Variants in IQGAP2 observed in about 807,000 individuals in gnomAD.
IQGAP2 encodes IQ motif containing GTPase activating protein 2.
IQGAP2 carries 173 observed loss-of-function variants against 201.3 expected under a neutral mutation model. That is an observed-to-expected ratio of 0.86 (90% CI 0.76 to 0.98). The LOEUF (loss-of-function observed/expected upper bound fraction) is 0.98, where lower values mean the gene tolerates loss of function less well. Ranked by LOEUF, IQGAP2 falls within the 50% of genes least tolerant of loss-of-function variation. The pLI is 0.00. For synonymous variants in IQGAP2, 675 were observed against 673.9 expected (o/e 1.00, Z -0.03); for missense variants, 1,687 against 1,864.8 (o/e 0.90, Z 1.76).
At chr5:76,532,766 T>G (rs1759387947) in intron 2 of IQGAP2, among the ~76,000 whole-genome samples, 1 of 152,164 alleles carries the variant, frequency 6.6e-6, no homozygotes, top group Non-Finnish European at 1.5e-5. Context: ...TCCGTGCCCT[T>G]GGAAACATCA....
intron 2 of IQGAP2, among the ~76,000 whole-genome samples, chr5:76,528,374 A>C (rs908444813): frequency 7.2e-5 from 11 of 151,928 alleles, no homozygotes; most frequent in African/African-American, 2.7e-4. Flanking sequence ...TATATATTAT[A>C]ATTCTTAGCA....
At chr5:76,630,278 A>G (rs939642558) in intron 14 of IQGAP2, among the ~76,000 whole-genome samples, 2 of 152,202 alleles carry the variant, frequency 1.3e-5, no homozygotes, top group African/African-American at 2.4e-5. Flanking sequence ...ACACCTCCAC[A>G]GTCCTTGAAA....
intron 13 of IQGAP2, among the ~76,000 whole-genome samples, chr5:76,614,237 T>G (rs1432277604): frequency 4.6e-5 from 7 of 152,170 alleles, no homozygotes; most frequent in Admixed American, 1.3e-4. Context: ...AAGAAGCCCC[T>G]GAGTGCCCAC....
chr5:76,474,196 G>C (rs1169369404), intron 2 of IQGAP2, among the ~76,000 whole-genome samples: 1 of 152,130 alleles, frequency 6.6e-6, no homozygotes, highest in African/African-American at 2.4e-5. Flanking sequence ...TTAGGATAAA[G>C]GTCTTCTGAC....
chr5:76,651,826 T>A (rs458573), intron 17 of IQGAP2, among the ~76,000 whole-genome samples: 76,133 of 151,936 alleles, frequency 0.5, 19,519 homozygotes, highest in Non-Finnish European at 0.56. Context: ...GATTCCATCC[T>A]GACTAAATTG....
intron 13 of IQGAP2, among the ~76,000 whole-genome samples, chr5:76,619,673 G>C (rs1373357815): frequency 1.3e-5 from 2 of 151,910 alleles, no homozygotes; most frequent in Non-Finnish European, 2.9e-5. Context: ...CCCGCCACCA[G>C]GCCTGGCTAA....
chr5:76,408,783 CTTAT>C (rs139211546), intron 1 of IQGAP2, among the ~76,000 whole-genome samples: 15 of 151,516 alleles, frequency 9.9e-5, no homozygotes, highest in South Asian at 4.2e-4. Context: ...CCCAATCTCT[CTTAT>C]TTATTTATTT....
chr5:76,430,565 TG>T (rs1752310404), intron 1 of IQGAP2, among the ~76,000 whole-genome samples: 1 of 152,178 alleles, frequency 6.6e-6, no homozygotes, highest in African/African-American at 2.4e-5. Context: ...AACTTAGCTT[TG>T]GAAGTCAGAT....
rs1750616197 is a variant in IQGAP2, at chr5:76,403,421, G to T, written c.-125G>T. 1 of 649,168 alleles carries T rather than the reference G, an allele frequency of 1.5e-6. No individual in the cohort carries two copies. Among genetic ancestry groups the T allele is most frequent in the Non-Finnish European group, 2.3e-6 (1 of 444,150 alleles). The allele number at this position is 649,168 out of a possible 1,614,324, so 40.2% of individuals were successfully genotyped here. A position where few individuals can be genotyped will look rare whatever the true frequency, so the allele number is the denominator to read the frequency against. On this transcript the variant is annotated 5_prime_UTR_variant, in exon 1 of 36. Coordinates refer to ENST00000274364, the MANE Select transcript of IQGAP2 (RefSeq NM_006633.5). This position sits in a 1 kb window ranked among gnomAD's most constrained non-coding sequence, Gnocchi z 4.8. Reference sequence around the variant, plus strand: ...GAGGGAGTGGGTCGCAGATCTTCGGGCGGCTAGGGGAAATCGGCGAGAGGC... The same window carrying T: ...GAGGGAGTGGGTCGCAGATCTTCGGTCGGCTAGGGGAAATCGGCGAGAGGC...
At chr5:76,525,320 A>G (rs1165765878) in intron 2 of IQGAP2, among the ~76,000 whole-genome samples, 2 of 152,242 alleles carry the variant, frequency 1.3e-5, no homozygotes, top group Non-Finnish European at 2.9e-5. Flanking sequence ...ATCATTCTTC[A>G]TATCAGCAAA....
At chr5:76,673,775 C>A in intron 25 of IQGAP2, 177 bp from the exon 26 acceptor site, 1 of 691,246 alleles carries the variant, frequency 1.4e-6, no homozygotes, top group Non-Finnish European at 2.5e-6. Context: ...ACTTCAGTAG[C>A]AAACACAGCT....
At chr5:76,617,842 G>T in intron 13 of IQGAP2, 1 of 1,614,022 alleles carries the variant, frequency 6.2e-7, no homozygotes, top group Non-Finnish European at 8.5e-7. Context: ...TATGCATTAA[G>T]TGTCCGGATG....
intron 28 of IQGAP2, among the ~76,000 whole-genome samples, chr5:76,679,399 G>A (rs1745092940): frequency 6.6e-6 from 1 of 152,188 alleles, no homozygotes; most frequent in Admixed American, 6.5e-5. Flanking sequence ...ATGTAATGTG[G>A]GGAAATTGTG....
At chr5:76,695,747 G>A (rs2150545272) in intron 32 of IQGAP2, 81 bp downstream of exon 32, 1 of 1,075,866 alleles carries the variant, frequency 9.3e-7, no homozygotes, top group East Asian at 2.5e-5. Flanking sequence ...ACTCTGTGAG[G>A]TGGCATTAGG....
At chr5:76,431,269 T>A (rs1325946424) in intron 1 of IQGAP2, among the ~76,000 whole-genome samples, 1 of 152,010 alleles carries the variant, frequency 6.6e-6, no homozygotes, top group Non-Finnish European at 1.5e-5. Context: ...TATGAATTGC[T>A]ATGTGAGATT....
chr5:76,650,508 A>G (rs1464680786), intron 17 of IQGAP2, among the ~76,000 whole-genome samples: 3 of 152,226 alleles, frequency 2.0e-5, no homozygotes, highest in African/African-American at 7.2e-5. Flanking sequence ...ATGTGGTATC[A>G]TAATATGTGT....
In IQGAP2 at chr5:76,441,043, AAAAG is replaced by A. The variant is rs1376257347; in HGVS notation, c.47-20526_47-20523del. 2.0e-5 allele frequency among the ~76,000 whole-genome samples: 3 copies of A among 151,688 alleles called. No individual in the cohort carries two copies. The East Asian group carries it at 5.8e-4, about 29-fold the overall frequency. ...CAAGACTCAGTCTCAAAAAAAAAAA[AAAAG>A]GAGTAGGGCCCTGAAGCCAGACTGC... On this transcript the variant is annotated intron_variant, in intron 1 of 35. Transcript: ENST00000274364.
At chr5:76,552,240 T>C (rs1369902111) in intron 2 of IQGAP2, among the ~76,000 whole-genome samples, 2 of 152,210 alleles carry the variant, frequency 1.3e-5, no homozygotes, top group Non-Finnish European at 2.9e-5. Flanking sequence ...GTGTTTCTGC[T>C]ACTGGTAGAA....
chr5:76,422,005 G>C (rs1751757608), intron 1 of IQGAP2, among the ~76,000 whole-genome samples: 1 of 152,162 alleles, frequency 6.6e-6, no homozygotes, highest in Admixed American at 6.5e-5. Context: ...CTGACACATA[G>C]AAAGCATTCA....
Sources: allele counts gnomAD v4.1 joint callset (sites outside exome capture counted in the v4.1 genomes callset), GRCh38; gene constraint gnomAD v4.1.1; non-coding constraint Gnocchi (gnomAD v3.1); transcripts MANE v1.5; gene names NCBI Gene and HGNC (gene_info 2026-07-23, HGNC 2026-07-21).